The following COMMD3 variants were observed in gnomAD, a reference collection of about 807,000 sequenced individuals.
The protein encoded by COMMD3 is COMM domain-containing protein 3.
In COMMD3, 31 loss-of-function variants were observed where a neutral mutation model predicts 31.2. The observed-to-expected ratio is 0.99, with a 90% CI of 0.75 to 1.34. The LOEUF is 1.34. Among genes scored for constraint, COMMD3 ranks in the 40% most tolerant of loss-of-function variants. The pLI is 0.00. For missense variants in COMMD3, 274 were observed against 236.9 expected (o/e 1.16, Z -1.03); for synonymous variants, 108 against 87.3 (o/e 1.24, Z -1.32).
chr10:22,318,346 C>T (rs757918324), intron 4 of COMMD3, 40 bp downstream of exon 4: 19 of 1,576,622 alleles, frequency 1.2e-5, no homozygotes, highest in East Asian at 2.2e-5. Flanking sequence ...GCACTTTTCA[C>T]TTGCAGGTAT....
chr10:22,318,856 T>G lies in COMMD3; in HGVS notation c.462T>G (p.Ser154Arg). 6.2e-7 allele frequency: 1 copy of G among 1,613,798 alleles called. No individual in the cohort carries two copies. Among genetic ancestry groups the G allele is most frequent in the African/African-American group, 1.3e-5 (1 of 75,036 alleles). Residue 154 changes from serine to arginine, a missense_variant, in exon 6 of 8, where the codon AGT (serine) becomes AGG (arginine). Physicochemically the swap from Ser to Arg is moderately radical, Grantham distance 110. Coordinates refer to ENST00000376836, the MANE Select transcript of COMMD3 (RefSeq NM_012071.4). ...MYRPAYLVTL[S>R]VQNTDSPSYP... ...GACCTGCATATTTGGTGACCTTAAGTGTACAGGTATTTATAGATAAGTCTT... is the reference window on the plus strand; with the variant it reads ...GACCTGCATATTTGGTGACCTTAAGGGTACAGGTATTTATAGATAAGTCTT...
At chr10:22,317,595 C>T in intron 1 of COMMD3, 1 of 232,276 alleles carries the variant, frequency 4.3e-6, no homozygotes. Flanking sequence ...TTAGAATGAC[C>T]ATTGCATTGT....
chr10:22,318,031 A>G (rs1438150110), intron 2 of COMMD3, 36 bp downstream of exon 2: 1 of 1,610,804 alleles, frequency 6.2e-7, no homozygotes, highest in African/African-American at 1.3e-5. Context: ...TTATTTTCAA[A>G]TACTACCTTA....
At chr10:22,318,602 G>A in intron 4 of COMMD3, 51 bp from the exon 5 acceptor site, 1 of 1,505,344 alleles carries the variant, frequency 6.6e-7, no homozygotes, top group Non-Finnish European at 9.2e-7. Flanking sequence ...ATAAATAACT[G>A]AAAAGTTCTT....
rs766782169 is a variant in COMMD3, at chr10:22,320,084, A to G, written c.*86A>G. ...CTGAACCACCGTTTGTGCGAGCTGG[A>G]TGTCCTTTTCAGTAGAAAAGAATTT... is the stretch of plus-strand genomic sequence containing the variant. On this transcript the variant is annotated 3_prime_UTR_variant, in exon 8 of 8. Coordinates refer to ENST00000376836, the MANE Select transcript of COMMD3 (RefSeq NM_012071.4). The G allele has an allele frequency of 6.2e-7, 1 of 1,611,958 alleles. No individual in the cohort carries two copies. Among genetic ancestry groups the G allele is most frequent in the Non-Finnish European group, 8.5e-7 (1 of 1,179,046 alleles).
chr10:22,318,078 C>A, intron 2 of COMMD3, 27 bp from the exon 3 acceptor site: 1 of 1,604,862 alleles, frequency 6.2e-7, no homozygotes, highest in Non-Finnish European at 8.5e-7. Context: ...GGAGACAGAA[C>A]TTTGGCTTTT....
At position 22,318,073 on chromosome 10, in the gene COMMD3, C is replaced by CA. The variant is rs1564345962; in HGVS notation, c.252-31dup. The CA allele has an allele frequency of 1.9e-6, 3 of 1,604,756 alleles. No individual in the cohort carries two copies. In the African/African-American group the frequency reaches 4.1e-5, roughly 22 times the overall value. The stretch of plus-strand genomic sequence containing the variant: ...TCAATTTCAGTTTTAAAAATGGAGA[C>CA]AGAACTTTGGCTTTTTTTTTCTTTC... On this transcript the variant is annotated intron_variant, in intron 2 of 7. Coordinates refer to ENST00000376836, the MANE Select transcript of COMMD3 (RefSeq NM_012071.4).
chr10:22,319,508 A>G (rs1023342642), intron 7 of COMMD3: 14 of 170,286 alleles, frequency 8.2e-5, no homozygotes, highest in Admixed American at 2.3e-4. Context: ...GGATATGACA[A>G]CGAATTTATT....
intron 7 of COMMD3, 138 bp downstream of exon 7, chr10:22,319,156 A>G: frequency 1.1e-6 from 1 of 929,202 alleles, no homozygotes; most frequent in Non-Finnish European, 1.5e-6. Flanking sequence ...ATTTAATGGG[A>G]AAGGGGCATC....
In COMMD3 at chr10:22,317,983, A is replaced by G; in HGVS notation, c.239A>G (p.Lys80Arg). Residue 80 changes from lysine (K) to arginine (R), a missense_variant, in exon 2 of 8, where the codon AAG becomes AGG. Coordinates refer to ENST00000376836, the MANE Select transcript of COMMD3 (RefSeq NM_012071.4). ...ILEAGKHRADKSTLSTYLEDC... is the reference protein window; with the variant it reads ...ILEAGKHRADRSTLSTYLEDC... ...GAGGCAGGAAAGCACCGAGCTGACA[A>G]GTCAACTCTAAGGTACAGGATTTAT... The G allele has an allele frequency of 6.2e-7, 1 of 1,614,002 alleles. No homozygotes were observed. The highest frequency in any genetic ancestry group is 8.5e-7 in the Non-Finnish European group (1 of 1,179,916).
chr10:22,318,037 C>T (rs747041337), intron 2 of COMMD3, 42 bp downstream of exon 2: 27 of 1,608,416 alleles, frequency 1.7e-5, no homozygotes, highest in Non-Finnish European at 2.3e-5. Context: ...TCAAATACTA[C>T]CTTAATGATT....
In COMMD3 at chr10:22,320,200, C is replaced by A; in HGVS notation, c.*202C>A. The A allele has an allele frequency of 7.3e-7, 1 of 1,376,604 alleles. No homozygotes were observed. The highest frequency in any genetic ancestry group is 9.7e-7 in the Non-Finnish European group (1 of 1,031,792). The allele number at this position is 1,376,604 out of a possible 1,614,324, so 85.3% of individuals were successfully genotyped here. A position where few individuals can be genotyped will look rare whatever the true frequency, so the allele number is the denominator to read the frequency against. The stretch of plus-strand genomic sequence containing the variant: ...AAAGATACTGCCCAAGTATTTGAAT[C>A]GTTTAGTAGTAACTGTCCATTTATC... On this transcript the variant is annotated 3_prime_UTR_variant, in exon 8 of 8. Coordinates refer to ENST00000376836, the MANE Select transcript of COMMD3 (RefSeq NM_012071.4).
At chr10:22,319,444 A>C (rs772620354) in intron 7 of COMMD3, 1 of 169,624 alleles carries the variant, frequency 5.9e-6, no homozygotes, top group Non-Finnish European at 1.3e-5. Flanking sequence ...ACATTCTAAA[A>C]CTGTTTATAT....
Position 22,318,257 on chromosome 10 carries a change from CTTTT to C in COMMD3, c.316-12_316-9del. ...TTTTTTTTTCTTTCTTTCTTGCTTT[CTTTT>C]TTCTCTCCAGAATAATAAGAATTCC... On this transcript the variant is annotated splice_polypyrimidine_tract_variant and intron_variant, in intron 3 of 7. Coordinates refer to ENST00000376836, the MANE Select transcript of COMMD3 (RefSeq NM_012071.4). The C allele has an allele frequency of 6.3e-7, 1 of 1,599,612 alleles. No individual in the cohort carries two copies.
chr10:22,319,134 G>A, intron 7 of COMMD3, 116 bp downstream of exon 7: 1 of 1,200,880 alleles, frequency 8.3e-7, no homozygotes, highest in East Asian at 2.5e-5. Context: ...AGATAATGAA[G>A]ATTGGTTAAG....
At chr10:22,317,144 G>C (rs914839147) in intron 1 of COMMD3, among the ~76,000 whole-genome samples, 1 of 152,192 alleles carries the variant, frequency 6.6e-6, no homozygotes, top group Non-Finnish European at 1.5e-5. Context: ...ACCAGGATGC[G>C]AGTGTCTTTT....
intron 1 of COMMD3, 31 bp downstream of exon 1, chr10:22,316,587 TC>T (rs1408103688): frequency 6.8e-7 from 1 of 1,466,788 alleles, no homozygotes; most frequent in African/African-American, 1.4e-5. Flanking sequence ...CGGAGCTGGA[TC>T]CGCCGGGGTG....
intron 2 of COMMD3, 29 bp downstream of exon 2, chr10:22,318,024 T>C: frequency 6.2e-7 from 1 of 1,611,566 alleles, no homozygotes; most frequent in South Asian, 1.1e-5. Context: ...TATCCATTTA[T>C]TTTCAAATAC....
At position 22,319,992 on chromosome 10, in the gene COMMD3, G is replaced by T. The variant is rs369935672; in HGVS notation, c.582G>T (p.Gln194His). 2.5e-6 allele frequency: 4 copies of T among 1,614,022 alleles called. No homozygotes were observed. The African/African-American group carries it at 5.3e-5, about 22-fold the overall frequency. Residue 194 changes from glutamine to histidine, a missense_variant, in exon 8 of 8, where the codon CAG (glutamine) becomes CAT (histidine). Physicochemically the swap from Gln to His is conservative, Grantham distance 24. Transcript: ENST00000376836. ...DASKSLERAT[Q>H]L ...CGAAAAGCCTGGAAAGAGCAACTCA[G>T]TTGTAACTTGGGGAAGTTAACGATC...
Sources: gnomAD v4.1 joint callset for allele counts (sites outside exome capture counted in the v4.1 genomes callset) on GRCh38, gnomAD v4.1.1 for gene constraint, MANE v1.5 for transcripts, NCBI Gene and HGNC (gene_info 2026-07-23, HGNC 2026-07-21) for gene names.